KAT6A: variants seen among roughly 807,000 people sequenced by gnomAD.
The protein encoded by KAT6A is histone acetyltransferase KAT6A.
In KAT6A, 9 loss-of-function variants were observed where a neutral mutation model predicts 198.4. That is an observed-to-expected ratio of 0.05 (90% CI 0.03 to 0.08). KAT6A has a LOEUF of 0.08. Among genes scored for constraint, KAT6A ranks in the 10% least tolerant of loss-of-function variants. The pLI is 1.00. For synonymous variants in KAT6A, 890 were observed against 883.0 expected (o/e 1.01, Z -0.14); for missense variants, 2,077 against 2,509.9 (o/e 0.83, Z 3.69).
At chr8:41,973,752 C>G (rs1362426397) in intron 8 of KAT6A, among the ~76,000 whole-genome samples, 1 of 152,038 alleles carries the variant, frequency 6.6e-6, no homozygotes, top group Non-Finnish European at 1.5e-5. Flanking sequence ...CAAGTCTATT[C>G]CACCTTCACT....
intron 2 of KAT6A, among the ~76,000 whole-genome samples, chr8:42,005,763 TACACACACACAC>T (rs142174569): frequency 8.4e-5 from 12 of 142,134 alleles, no homozygotes; most frequent in South Asian, 4.5e-4. Context: ...TGCAAGCAAA[TACACACACACAC>T]ACACACACAC....
Position 41,932,564 on chromosome 8 carries a change from C to T in KAT6A, c.5656G>A (p.Ala1886Thr), listed in dbSNP as rs1380090755. 1.2e-6 allele frequency: 2 copies of T among 1,614,242 alleles called. No individual in the cohort carries two copies. Among genetic ancestry groups the T allele is most frequent in the Non-Finnish European group, 1.7e-6 (2 of 1,180,038 alleles). ...GRSPSAVAMQ[A>T]GPRALAVQRG... ...TGAACAGCCAGTGCGCGAGGGCCAG[C>T]CTGCATGGCAACTGCCGATGGGCTA... Residue 1886 changes from alanine to threonine, a missense_variant, in exon 17 of 17, where the codon GCT becomes ACT. This residue lies in a region of KAT6A where 500 missense variants were observed against 577.2 expected (regional missense o/e 0.87). Transcript: ENST00000265713.
At chr8:41,984,031 T>C (rs1423797541) in intron 3 of KAT6A, among the ~76,000 whole-genome samples, 1 of 152,252 alleles carries the variant, frequency 6.6e-6, no homozygotes, top group Non-Finnish European at 1.5e-5. Context: ...GCAGTTATTT[T>C]CCCCCAAATT....
rs373552299 is a variant in KAT6A at position 41,933,585 on chromosome 8, C to G, written c.4635G>C (p.Val1545=). Residue 1545 remains valine (V), a synonymous_variant, in exon 17 of 17, where the codon GTG becomes GTC. Coordinates refer to ENST00000265713, the MANE Select transcript of KAT6A (RefSeq NM_006766.5). The surrounding 1 kb of genome is among the most constrained non-coding windows in gnomAD (Gnocchi z 6.2). ...VPSVSDHSQQ[V]VDSGFSDLGS... ...CCAGGTCACTGAAGCCGCTGTCCAC[C>G]ACCTGCTGAGAGTGGTCTGATACGG... 5 of 1,614,134 alleles carry G rather than the reference C, an allele frequency of 3.1e-6. No individual in the cohort carries two copies. The highest frequency in any genetic ancestry group is 4.2e-6 in the Non-Finnish European group (5 of 1,180,026).
At chr8:41,953,614 C>T (rs1822774923) in intron 9 of KAT6A, among the ~76,000 whole-genome samples, 4 of 152,210 alleles carry the variant, frequency 2.6e-5, no homozygotes, top group Non-Finnish European at 4.4e-5. Context: ...GCTGGGATTA[C>T]AGGCACCCAC....
intron 8 of KAT6A, among the ~76,000 whole-genome samples, chr8:41,965,789 G>A (rs985212410): frequency 6.6e-6 from 1 of 152,176 alleles, no homozygotes; most frequent in Non-Finnish European, 1.5e-5. Context: ...GTAACAAGAT[G>A]TCAGTTTCGG....
At chr8:41,947,955 T>G (rs1822477369) in intron 10 of KAT6A, 43 bp from the exon 11 acceptor site, 1 of 1,462,360 alleles carries the variant, frequency 6.8e-7, no homozygotes, top group Non-Finnish European at 9.3e-7. Context: ...GAGGGTCTCT[T>G]TAGTTCTAGA....
In KAT6A at chr8:42,036,661, G is replaced by C. The variant is rs1279052172; in HGVS notation, c.600+11717C>G. Among the ~76,000 whole-genome samples, 4 of 152,124 alleles carry C rather than the reference G, an allele frequency of 2.6e-5. No homozygotes were observed. In the South Asian group the frequency reaches 8.3e-4, roughly 32 times the overall value. ...AATGGCTGGAGTTTGCCAACATGAT[G>C]CAGGAGTAGTGAGTGAGTGAGAATG... On this transcript the variant is annotated intron_variant, in intron 2 of 16. Transcript: ENST00000265713.
chr8:41,932,438 T>C lies in KAT6A; in HGVS notation c.5782A>G (p.Thr1928Ala). The change falls in exon 17 of 17, where the codon ACA (threonine) becomes GCA (alanine). Residue 1928 changes from threonine (T) to alanine (A), a missense_variant. Coordinates refer to ENST00000265713, the MANE Select transcript of KAT6A (RefSeq NM_006766.5). ...TAACTGCTGTTCATCATGGGCTGTG[T>C]CATTCGATAGCTGTTCATGGCATTC... ...TLNAMNSYRM[T>A]QPMMNSSYHS... 4 of 1,614,262 alleles carry C rather than the reference T, an allele frequency of 2.5e-6. No homozygotes were observed. Among genetic ancestry groups the C allele is most frequent in the Non-Finnish European group, 3.4e-6 (4 of 1,180,046 alleles).
At chr8:41,955,230 G>T in intron 9 of KAT6A, 66 bp downstream of exon 9, 2 of 975,326 alleles carry the variant, frequency 2.1e-6, no homozygotes, top group Non-Finnish European at 3.3e-6. Context: ...ACATCTTCAA[G>T]ATCCCTTCCA....
intron 8 of KAT6A, among the ~76,000 whole-genome samples, chr8:41,972,596 C>A (rs1242265601): frequency 6.6e-6 from 1 of 152,152 alleles, no homozygotes; most frequent in Non-Finnish European, 1.5e-5. Flanking sequence ...TGATGACATT[C>A]TATAAATGAC....
intron 8 of KAT6A, among the ~76,000 whole-genome samples, chr8:41,970,419 C>A (rs554277484): frequency 6.6e-6 from 1 of 152,296 alleles, no homozygotes; most frequent in South Asian, 2.1e-4. Context: ...CTCAGCAGGG[C>A]TCAGCAACCC....
At chr8:42,005,796 A>ACACACACTCACT (rs71239089) in intron 2 of KAT6A, among the ~76,000 whole-genome samples, 5 of 148,794 alleles carry the variant, frequency 3.4e-5, no homozygotes, top group African/African-American at 1.0e-4. Context: ...ACACACACAC[A>ACACACACTCACT]CACTCACTCT....
chr8:42,014,222 T>C (rs1321220140), intron 2 of KAT6A, among the ~76,000 whole-genome samples: 2 of 152,224 alleles, frequency 1.3e-5, no homozygotes, highest in African/African-American at 2.4e-5. Flanking sequence ...GCTACTGTAC[T>C]AGACGTGATG....
intron 8 of KAT6A, among the ~76,000 whole-genome samples, chr8:41,972,142 G>A (rs948225650): frequency 5.3e-5 from 8 of 152,126 alleles, no homozygotes; most frequent in African/African-American, 1.9e-4. Context: ...AATACTAATA[G>A]CAATGGATTA....
At chr8:41,957,388 C>T (rs1822976996) in intron 8 of KAT6A, 1 of 450,516 alleles carries the variant, frequency 2.2e-6, no homozygotes, top group Admixed American at 2.6e-5. Context: ...GAAATGGCTA[C>T]ACAGAAACCA....
chr8:42,014,168 T>G (rs186848882), intron 2 of KAT6A, among the ~76,000 whole-genome samples: 1 of 152,202 alleles, frequency 6.6e-6, no homozygotes, highest in East Asian at 1.9e-4. Flanking sequence ...GTGGGGGCCA[T>G]AATTTGCTAA....
At chr8:42,017,367 T>A (rs942956837) in intron 2 of KAT6A, among the ~76,000 whole-genome samples, 3 of 152,122 alleles carry the variant, frequency 2.0e-5, no homozygotes, top group African/African-American at 7.2e-5. Context: ...GACAGGCAGA[T>A]AAATGAACAG....
rs1310571162 is a variant in KAT6A, at chr8:41,934,705, C to G, written c.3515G>C (p.Gly1172Ala). 6.2e-7 allele frequency: 1 copy of G among 1,614,168 alleles called. No homozygotes were observed. Among genetic ancestry groups the G allele is most frequent in the East Asian group, 2.2e-5 (1 of 44,872 alleles). The change falls in exon 17 of 17, where the codon GGA (glycine) becomes GCA (alanine). Residue 1172 changes from glycine to alanine, a missense_variant. By Grantham distance (60) the Gly-to-Ala change is moderately conservative. Transcript: ENST00000265713. ...CATGATTTCCCGACTCAACTTAAAT[C>G]CTGGTTTTCGACCAGGTCTTTTCTT... Reference protein sequence around the residue: ...HWKKRPGRKPGFKLSREIMPV... With the variant: ...HWKKRPGRKPAFKLSREIMPV...
Sources: gnomAD v4.1 joint callset for allele counts (sites outside exome capture counted in the v4.1 genomes callset) on GRCh38, gnomAD v4.1.1 for gene constraint, gnomAD v4.1.1 regional missense constraint, Gnocchi (gnomAD v3.1) non-coding constraint, MANE v1.5 for transcripts, NCBI Gene and HGNC (gene_info 2026-07-23, HGNC 2026-07-21) for gene names.